The following DIP2A variants were observed in gnomAD, a reference collection of about 807,000 sequenced individuals.
DIP2A encodes the protein DIP2 acetate--CoA ligase A, also known as disco-interacting protein 2 homolog A.
In DIP2A, 85 loss-of-function variants were observed where a neutral mutation model predicts 177.4. The observed-to-expected ratio is 0.48, with a 90% CI of 0.40 to 0.57. The LOEUF (loss-of-function observed/expected upper bound fraction) is 0.57. Ranked by LOEUF, DIP2A falls within the 20% of genes least tolerant of loss-of-function variation. The pLI, the probability that DIP2A is intolerant of heterozygous loss-of-function variation, is 0.00. For missense variants in DIP2A, 1,791 were observed against 2,100.2 expected, an observed-to-expected ratio of 0.85 and a Z score of 2.88; for synonymous variants, 886 against 881.8, an observed-to-expected ratio of 1.00 and a Z score of -0.08.
chr21:46,550,821 T>G, intron 23 of DIP2A, 77 bp downstream of exon 23: 1 of 1,452,838 alleles, frequency 6.9e-7, no homozygotes, highest in Admixed American at 1.9e-5. Flanking sequence ...GGTGCGGCCC[T>G]GCTAGACCTC....
At chr21:46,462,159 A>G (rs2054376064) in intron 1 of DIP2A, among the ~76,000 whole-genome samples, 1 of 152,154 alleles carries the variant, frequency 6.6e-6, no homozygotes, top group Admixed American at 6.6e-5. Flanking sequence ...CTGGCCTGAC[A>G]CTTTTCTTTT....
At chr21:46,561,996 T>C (rs1237964541) in intron 34 of DIP2A, 191 bp downstream of exon 34, 23 of 879,798 alleles carry the variant, frequency 2.6e-5, no homozygotes, top group Admixed American at 1.2e-4. Flanking sequence ...TAGTTATGTT[T>C]TTAAACACAC....
At chr21:46,475,033 A>C (rs1409855571) in intron 1 of DIP2A, among the ~76,000 whole-genome samples, 1 of 152,172 alleles carries the variant, frequency 6.6e-6, no homozygotes, top group Non-Finnish European at 1.5e-5. Context: ...TGTTTGGGGA[A>C]GTGGGCACTC....
At chr21:46,461,271 CAAAAAAAAAAAA>C (rs60346777) in intron 1 of DIP2A, among the ~76,000 whole-genome samples, 1 of 49,312 alleles carries the variant, frequency 2.0e-5, no homozygotes, top group Non-Finnish European at 3.4e-5. Flanking sequence ...CTCTTCTCAC[CAAAAAAAAAAAA>C]AAAAAAAAAA....
intron 1 of DIP2A, among the ~76,000 whole-genome samples, chr21:46,464,815 G>GTTTTTTTT (rs1568894284): frequency 2.3e-5 from 1 of 42,964 alleles, no homozygotes; most frequent in African/African-American, 1.0e-4. Context: ...TAATATTCAT[G>GTTTTTTTT]TCTTTTTTTT....
intron 1 of DIP2A, among the ~76,000 whole-genome samples, chr21:46,465,246 G>A (rs2054706292): frequency 6.6e-6 from 1 of 151,998 alleles, no homozygotes; most frequent in Non-Finnish European, 1.5e-5. Flanking sequence ...AGTGTCCACT[G>A]CATCCTAGGT....
chr21:46,564,543 C>T (rs1263873702), intron 35 of DIP2A, among the ~76,000 whole-genome samples: 2 of 139,872 alleles, frequency 1.4e-5, no homozygotes, highest in African/African-American at 5.8e-5. Flanking sequence ...GCTTGACGTG[C>T]AGTCCCGAAT....
intron 21 of DIP2A, 82 bp from the exon 22 acceptor site, chr21:46,549,689 C>A: frequency 6.3e-7 from 1 of 1,575,872 alleles, no homozygotes; most frequent in Non-Finnish European, 8.6e-7. Flanking sequence ...GACAGTCTGC[C>A]TCTTCCATCG....
intron 20 of DIP2A, 193 bp downstream of exon 20, chr21:46,546,154 C>T: frequency 7.2e-7 from 1 of 1,398,262 alleles, no homozygotes; most frequent in South Asian, 1.7e-5. Flanking sequence ...GACTGGTGCA[C>T]AGTCCTGCAC....
chr21:46,573,672 AAAAAAAAAAAAGAT>A (rs1376367993), downstream of DIP2A, among the ~76,000 whole-genome samples: 800 of 132,472 alleles, frequency 6.0e-3, 24 homozygotes, highest in African/African-American at 0.021. Flanking sequence ...AAAAAAAAAA[AAAAAAAAAAAAGAT>A]ATTCCATGCA....
rs183324876 is a variant in DIP2A, at chr21:46,563,518, G to A, written c.4090-340G>A. ...AGACATGTGCCTCCTGCAGGGCTGG[G>A]CACAGCAGGGTCACTGCACCCCTGG... On this transcript the variant is annotated intron_variant, in intron 34 of 37. Transcript: ENST00000417564. The surrounding 1 kb of genome is among the most constrained non-coding windows in gnomAD (Gnocchi z 4.3). 441 of 261,140 alleles carry A rather than the reference G, an allele frequency of 1.7e-3. 1 individual carries two copies. The highest frequency in any genetic ancestry group is 4.7e-3 in the Middle Eastern group (3 of 638). 16.2% of individuals were successfully genotyped at this position (261,140 alleles called of 1,614,324 possible). A position where few individuals can be genotyped will look rare whatever the true frequency, so the allele number is the denominator to read the frequency against.
chr21:46,520,864 A>G lies in DIP2A; in HGVS notation c.1103-8228A>G, dbSNP rs147645046. On this transcript the variant is annotated intron_variant, in intron 8 of 37. Coordinates refer to ENST00000417564, the MANE Select transcript of DIP2A (RefSeq NM_015151.4). ...ACAGTGCTTGCTGTGTGATTTTTAT[A>G]CCAAATAAGCTGAATATGTCATTTT... Among the ~76,000 whole-genome samples the G allele has an allele frequency of 1.2e-4, 18 of 152,348 alleles. No homozygotes were observed. The East Asian group carries it at 2.7e-3, about 23-fold the overall frequency.
At chr21:46,536,667 G>A (rs1395499253) in intron 13 of DIP2A, among the ~76,000 whole-genome samples, 1 of 152,208 alleles carries the variant, frequency 6.6e-6, no homozygotes, top group African/African-American at 2.4e-5. Context: ...ACTTTGGGAG[G>A]CTGAGACGGG....
intron 6 of DIP2A, among the ~76,000 whole-genome samples, chr21:46,506,934 G>A (rs1331931028): frequency 6.6e-6 from 1 of 151,112 alleles, no homozygotes; most frequent in Non-Finnish European, 1.5e-5. Flanking sequence ...GTGAGTAGCT[G>A]GGATTACAGG....
chr21:46,578,310 C>CA, the DIP2A span, among the ~76,000 whole-genome samples: 16,023 of 151,710 alleles, frequency 0.11, 1,052 homozygotes, highest in East Asian at 0.34. Context: ...GACTCCGTCT[C>CA]AAAAAACAAA....
chr21:46,534,520 T>G (rs1191479790), intron 12 of DIP2A, 65 bp from the exon 13 acceptor site: 4 of 1,456,162 alleles, frequency 2.7e-6, no homozygotes, highest in South Asian at 1.2e-5. Context: ...TTCTACCAGT[T>G]TCCATTCTGT....
intron 2 of DIP2A, among the ~76,000 whole-genome samples, chr21:46,486,091 AGAACT>A (rs148201921): frequency 0.035 from 3,229 of 91,854 alleles, 281 homozygotes; most frequent in Non-Finnish European, 0.039. Flanking sequence ...AAAAAAAAAA[AGAACT>A]AAAGAACTAG....
At chr21:46,545,852 C>T (rs537063594) in intron 19 of DIP2A, 29 bp from the exon 20 acceptor site, 1 of 1,610,038 alleles carries the variant, frequency 6.2e-7, no homozygotes, top group East Asian at 2.2e-5. Flanking sequence ...TGTCCACAGC[C>T]TGATCGTGCC....
chr21:46,532,002 G>T, intron 9 of DIP2A, 125 bp from the exon 10 acceptor site: 1 of 850,502 alleles, frequency 1.2e-6, no homozygotes, highest in Non-Finnish European at 1.8e-6. Flanking sequence ...TGTCCCTTAT[G>T]GTTTCAAGCA....
Sources: allele counts gnomAD v4.1 joint callset (sites outside exome capture counted in the v4.1 genomes callset), GRCh38; gene constraint gnomAD v4.1.1; non-coding constraint Gnocchi (gnomAD v3.1); transcripts MANE v1.5; gene names NCBI Gene and HGNC (gene_info 2026-07-23, HGNC 2026-07-21).